The following DDX50 variants were observed in gnomAD, a reference collection of about 807,000 sequenced individuals.
DDX50 encodes ATP-dependent RNA helicase DDX50.
In DDX50, 56 loss-of-function variants were observed where a neutral mutation model predicts 94.8. The ratio of observed to expected loss-of-function variants is 0.59; its 90% CI spans 0.48 to 0.74. The LOEUF (loss-of-function observed/expected upper bound fraction) is 0.74. DDX50 is among the 30% of genes least tolerant of loss of function. The probability of loss-of-function intolerance (pLI) is 0.00; values close to 1 mark genes in which losing one functional copy is unlikely to be tolerated. For synonymous variants in DDX50, 264 were observed against 295.4 expected, an observed-to-expected ratio of 0.89 and a Z score of 1.09; for missense variants, 713 against 881.2, an observed-to-expected ratio of 0.81 and a Z score of 2.42.
intron 2 of DDX50, among the ~76,000 whole-genome samples, chr10:68,908,036 A>T (rs1449966714): frequency 2.0e-5 from 3 of 152,226 alleles, no homozygotes; most frequent in Non-Finnish European, 4.4e-5. Context: ...GAAAATATTT[A>T]AACATCCTAA....
Position 68,913,522 on chromosome 10 carries a change from G to C in DDX50, c.889G>C (p.Asp297His). The change falls in exon 6 of 15, where the codon GAT (aspartate) becomes CAT (histidine). Residue 297 changes from aspartate (D) to histidine (H), a missense_variant. Coordinates refer to ENST00000373585, the MANE Select transcript of DDX50 (RefSeq NM_024045.2). ...GCTTGATGAAGTGGATCAGATGTTA[G>C]ATTTAGGTTTCGCTGAACAAGTTGA... ...VVLDEVDQML[D>H]LGFAEQVEDI... 1.2e-6 allele frequency: 2 copies of C among 1,613,928 alleles called. No homozygotes were observed. Among genetic ancestry groups the C allele is most frequent in the Non-Finnish European group, 1.7e-6 (2 of 1,179,958 alleles).
chr10:68,943,343 T>C (rs1021254004), intron 14 of DDX50, 86 bp downstream of exon 14: 35 of 1,066,142 alleles, frequency 3.3e-5, no homozygotes, highest in Admixed American at 1.6e-4. Flanking sequence ...AGTCACAATG[T>C]CATTATCATG....
intron 2 of DDX50, among the ~76,000 whole-genome samples, 190 bp downstream of exon 2, chr10:68,907,197 G>A (rs569609824): frequency 6.6e-6 from 1 of 152,090 alleles, no homozygotes; most frequent in South Asian, 2.1e-4. Context: ...TCACTGTATG[G>A]CCTTTTTCTT....
chr10:68,915,875 A>G (rs1841773764), intron 7 of DDX50, among the ~76,000 whole-genome samples: 1 of 152,250 alleles, frequency 6.6e-6, no homozygotes, highest in Admixed American at 6.5e-5. Context: ...AATGTAATGC[A>G]GTGGTTAAAA....
intron 12 of DDX50, among the ~76,000 whole-genome samples, chr10:68,937,355 T>C (rs10509308): frequency 0.074 from 11,278 of 151,736 alleles, 560 homozygotes; most frequent in African/African-American, 0.13. Context: ...GTTAAAAGTC[T>C]GTATCATGTG....
rs35522934 is a variant in DDX50 at position 68,929,725 on chromosome 10, CT to C, written c.1240-4455del. Among the ~76,000 whole-genome samples, 380 of 127,240 alleles carry C rather than the reference CT, an allele frequency of 3.0e-3. 1 individual carries two copies. Among genetic ancestry groups the C allele is most frequent in the African/African-American group, 7.7e-3 (275 of 35,512 alleles). The allele number at this position is 127,240 out of a possible 152,430, so 83.5% of individuals were successfully genotyped here. A position where few individuals can be genotyped will look rare whatever the true frequency, so the allele number is the denominator to read the frequency against. On this transcript the variant is annotated intron_variant, in intron 8 of 14. Coordinates refer to ENST00000373585, the MANE Select transcript of DDX50 (RefSeq NM_024045.2). The stretch of plus-strand genomic sequence containing the variant: ...AGGCATGAGCCACTGCGCCTGGCCT[CT>C]TTTTTTTTTTTTTTTTTTGAGATGG...
chr10:68,945,285 G>A (rs1484079258), intron 14 of DDX50, among the ~76,000 whole-genome samples: 1 of 149,944 alleles, frequency 6.7e-6, no homozygotes, highest in East Asian at 1.9e-4. Context: ...GATAGCCTTA[G>A]CAACAGGGTG....
At chr10:68,923,838 C>G (rs1164198918) in intron 8 of DDX50, among the ~76,000 whole-genome samples, 1 of 151,624 alleles carries the variant, frequency 6.6e-6, no homozygotes, top group Admixed American at 6.6e-5. Flanking sequence ...GCCACCATAC[C>G]CGGCCATATA....
intron 8 of DDX50, among the ~76,000 whole-genome samples, chr10:68,929,276 CCTTCCTTCCTTCCTTCCTCT>C (rs1165002526): frequency 7.4e-5 from 6 of 80,842 alleles, no homozygotes; most frequent in South Asian, 3.5e-4. Context: ...TTCCTTCCTT[CCTTCCTTCCTTCCTTCCTCT>C]CTCTCTCTCT....
chr10:68,914,339 A>G (rs1841721002), intron 7 of DDX50, 135 bp downstream of exon 7: 3 of 942,724 alleles, frequency 3.2e-6, no homozygotes, highest in South Asian at 1.6e-5. Context: ...AGACACCTAT[A>G]TATTTTTATA....
Position 68,909,940 on chromosome 10 carries a change from G to A in DDX50, c.385-367G>A, listed in dbSNP as rs887522705. 3.5e-4 allele frequency among the ~76,000 whole-genome samples: 53 copies of A among 152,186 alleles called. 1 individual carries two copies. The highest frequency in any genetic ancestry group is 1.5e-3 in the Admixed American group (23 of 15,280). On this transcript the variant is annotated intron_variant, in intron 2 of 14. Transcript: ENST00000373585. Reference sequence around the variant, plus strand: ...GCCTCCCAAAGTGCTGGGATTACGGGCATGAGCCACCGCACCTGGCCAGGA... The same window carrying A: ...GCCTCCCAAAGTGCTGGGATTACGGACATGAGCCACCGCACCTGGCCAGGA...
chr10:68,912,444 C>T (rs985037376), intron 4 of DDX50, among the ~76,000 whole-genome samples: 4 of 152,210 alleles, frequency 2.6e-5, no homozygotes, highest in African/African-American at 9.6e-5. Context: ...GAACTCCTGG[C>T]CTCAAGTGAT....
chr10:68,928,274 C>T (rs976687952), intron 8 of DDX50, among the ~76,000 whole-genome samples: 1 of 152,094 alleles, frequency 6.6e-6, no homozygotes, highest in African/African-American at 2.4e-5. Flanking sequence ...AATGATCATG[C>T]CACTGCACTC....
intron 7 of DDX50, among the ~76,000 whole-genome samples, chr10:68,914,464 C>CG (rs1841725268): frequency 6.6e-6 from 1 of 152,216 alleles, no homozygotes; most frequent in African/African-American, 2.4e-5. Context: ...GTGTTTCTTT[C>CG]TTTCTCTCTT....
intron 8 of DDX50, among the ~76,000 whole-genome samples, chr10:68,931,132 T>C (rs1322111444): frequency 6.6e-6 from 1 of 152,036 alleles, no homozygotes; most frequent in Non-Finnish European, 1.5e-5. Flanking sequence ...CTAAATTTAT[T>C]TGTGGTCCTA....
At chr10:68,932,282 CAG>C (rs545608172) in intron 8 of DDX50, among the ~76,000 whole-genome samples, 13 of 152,240 alleles carry the variant, frequency 8.5e-5, no homozygotes, top group South Asian at 8.3e-4. Context: ...TTTTTTGAGA[CAG>C]AGTCTCACTC....
At position 68,901,435 on chromosome 10, in the gene DDX50, G is replaced by A. The variant is rs779608825; in HGVS notation, c.51G>A (p.Leu17=). 6.3e-7 allele frequency: 1 copy of A among 1,576,212 alleles called. No homozygotes were observed. Among genetic ancestry groups the A allele is most frequent in the African/African-American group, 1.4e-5 (1 of 73,866 alleles). ...ACATTATGGAGCTGGAAGCACCCTT[G>A]GAGGAGTCCGAGAGCCAGAAGAAGG... ...WGDIMELEAP[L]EESESQKKER... The change falls in exon 1 of 15, where the codon TTG becomes TTA. Residue 17 remains leucine (L), a synonymous_variant. Coordinates refer to ENST00000373585, the MANE Select transcript of DDX50 (RefSeq NM_024045.2).
intron 1 of DDX50, among the ~76,000 whole-genome samples, chr10:68,903,294 G>A (rs1187583397): frequency 1.3e-5 from 2 of 152,074 alleles, no homozygotes; most frequent in Non-Finnish European, 2.9e-5. Context: ...CACTTTGGGA[G>A]GCTGAGGCAG....
At chr10:68,943,149 TA>T (rs1418594148) in intron 13 of DDX50, 63 bp from the exon 14 acceptor site, 1 of 1,508,014 alleles carries the variant, frequency 6.6e-7, no homozygotes, top group Non-Finnish European at 9.1e-7. Context: ...GCATTATTAG[TA>T]AAACAAAAAA....
Sources: allele counts gnomAD v4.1 joint callset (sites outside exome capture counted in the v4.1 genomes callset), GRCh38; gene constraint gnomAD v4.1.1; transcripts MANE v1.5; gene names NCBI Gene and HGNC (gene_info 2026-07-23, HGNC 2026-07-21).